The following MALRD1 variants were observed in gnomAD, a reference collection of about 807,000 sequenced individuals.
MALRD1 encodes MAM and LDL receptor class A domain containing 1.
Under a neutral mutation model 242.1 loss-of-function variants are expected in MALRD1, and 247 were observed. The ratio of observed to expected loss-of-function variants is 1.02; its 90% confidence interval spans 0.92 to 1.13. The LOEUF is 1.13. MALRD1 is among the 50% of genes most tolerant of loss of function. The pLI is 0.00. For missense variants in MALRD1, 2,989 were observed against 2,533.1 expected (o/e 1.18, Z -3.86); for synonymous variants, 995 against 866.6 (o/e 1.15, Z -2.60).
At chr10:19,338,069 A>T (rs1391354544) in intron 24 of MALRD1, among the ~76,000 whole-genome samples, 1 of 151,896 alleles carries the variant, frequency 6.6e-6, no homozygotes, top group African/African-American at 2.4e-5. Context: ...TCAAAAAAAA[A>T]AAAAAAGAAA....
intron 29 of MALRD1, among the ~76,000 whole-genome samples, chr10:19,473,178 TAA>T (rs1836577735): frequency 1.8e-5 from 1 of 55,948 alleles, no homozygotes. Context: ...TCACATTTCT[TAA>T]ATGTGAAATT....
intron 32 of MALRD1, among the ~76,000 whole-genome samples, chr10:19,532,865 T>G (rs112761498): frequency 6.6e-6 from 1 of 152,200 alleles, no homozygotes; most frequent in Non-Finnish European, 1.5e-5. Flanking sequence ...TTTTTCATAG[T>G]TTTTACATCT....
At chr10:19,728,786 C>T (rs145951717) in intron 38 of MALRD1, among the ~76,000 whole-genome samples, 23 of 152,116 alleles carry the variant, frequency 1.5e-4, no homozygotes, top group Non-Finnish European at 2.6e-4. Context: ...CACTTCACTC[C>T]CTACCCAATC....
At chr10:19,483,244 G>T (rs1470864509) in intron 29 of MALRD1, among the ~76,000 whole-genome samples, 1 of 150,326 alleles carries the variant, frequency 6.7e-6, no homozygotes, top group Non-Finnish European at 1.5e-5. Flanking sequence ...TTTTGACACT[G>T]ACCTTGGGAA....
chr10:19,266,694 G>C (rs1012586781), intron 19 of MALRD1, among the ~76,000 whole-genome samples: 2 of 151,798 alleles, frequency 1.3e-5, no homozygotes, highest in Non-Finnish European at 2.9e-5. Flanking sequence ...TTTGTTAATG[G>C]ATATGCAATA....
intron 13 of MALRD1, among the ~76,000 whole-genome samples, chr10:19,173,837 T>C (rs1835109951): frequency 6.6e-6 from 1 of 152,222 alleles, no homozygotes; most frequent in South Asian, 2.1e-4. Flanking sequence ...CTTATACTTA[T>C]TTCTTATACA....
At chr10:19,635,890 T>A (rs897464231) in intron 36 of MALRD1, among the ~76,000 whole-genome samples, 7 of 151,962 alleles carry the variant, frequency 4.6e-5, no homozygotes, top group African/African-American at 1.7e-4. Flanking sequence ...TTTATTGTAG[T>A]TATTTATTTA....
In MALRD1 at chr10:19,331,470, GT is replaced by G. The variant is rs1389493617; in HGVS notation, c.3790del (p.Cys1264ValfsTer23). ...CSPLLSPERK[C>X]TDHEFMCANK... ...CCCCTTTGCTTAGCCCAGAGAGAAA[GT>G]GTACTGATCATGAATTCATGTGTGC... is the stretch of plus-strand genomic sequence containing the variant. On this transcript the variant is annotated frameshift_variant, in exon 24 of 40. Coordinates refer to ENST00000454679, the MANE Select transcript of MALRD1 (RefSeq NM_001142308.3). LOFTEE classifies it high-confidence loss of function. 2 of 1,550,378 alleles carry G rather than the reference GT, an allele frequency of 1.3e-6. No individual in the cohort carries two copies. The highest frequency in any genetic ancestry group is 2.7e-5 in the African/African-American group (2 of 73,004).
chr10:19,607,992 C>A lies in MALRD1; in HGVS notation c.6070+90C>A. 5 of 1,441,036 alleles carry A rather than the reference C, an allele frequency of 3.5e-6. No individual in the cohort carries two copies. In the South Asian group the frequency reaches 6.7e-5, roughly 19 times the overall value. The allele number at this position is 1,441,036 out of a possible 1,614,324, so 89.3% of individuals were successfully genotyped here. On this transcript the variant is annotated intron_variant, in intron 35 of 39. Coordinates refer to ENST00000454679, the MANE Select transcript of MALRD1 (RefSeq NM_001142308.3). ...AAATATTAAAACTTGAGGTTCTAAA[C>A]AATGGCAAGCATGGAATAATTGAAT...
At chr10:19,295,944 A>C (rs1334549262) in intron 21 of MALRD1, among the ~76,000 whole-genome samples, 1 of 152,112 alleles carries the variant, frequency 6.6e-6, no homozygotes, top group Non-Finnish European at 1.5e-5. Context: ...TGGGAACCTC[A>C]CTTTGAGGAC....
intron 19 of MALRD1, among the ~76,000 whole-genome samples, chr10:19,273,859 G>T (rs552923648): frequency 6.6e-6 from 1 of 152,136 alleles, no homozygotes; most frequent in Non-Finnish European, 1.5e-5. Context: ...AGATATGCCA[G>T]TGTCCAACAA....
intron 33 of MALRD1, among the ~76,000 whole-genome samples, chr10:19,579,954 C>T (rs1023054603): frequency 1.3e-5 from 2 of 152,144 alleles, no homozygotes. Flanking sequence ...TGAGCAACAG[C>T]GTTAAATTAG....
intron 14 of MALRD1, among the ~76,000 whole-genome samples, chr10:19,178,083 T>C (rs1209002104): frequency 1.3e-5 from 2 of 152,176 alleles, no homozygotes; most frequent in Admixed American, 6.5e-5. Flanking sequence ...TTTAAATCAT[T>C]ACTAAAGTTA....
intron 21 of MALRD1, among the ~76,000 whole-genome samples, chr10:19,293,517 C>A (rs1201725338): frequency 2.0e-5 from 3 of 152,106 alleles, no homozygotes; most frequent in Non-Finnish European, 4.4e-5. Flanking sequence ...AATTAAATCA[C>A]TTTAATTTTG....
intron 36 of MALRD1, among the ~76,000 whole-genome samples, chr10:19,646,209 T>TG (rs1228844866): frequency 1.3e-5 from 2 of 152,180 alleles, no homozygotes; most frequent in African/African-American, 2.4e-5. Context: ...ATGTAGGGGC[T>TG]GCTGGCTGGG....
chr10:19,567,953 C>G (rs1015866633), intron 33 of MALRD1, among the ~76,000 whole-genome samples: 1 of 152,064 alleles, frequency 6.6e-6, no homozygotes, highest in Non-Finnish European at 1.5e-5. Flanking sequence ...AAATTTTGTT[C>G]GGTGAATGTA....
rs528735041 is a variant in MALRD1, at chr10:19,723,940, C to T, written c.6315-6766C>T. Among the ~76,000 whole-genome samples, 13 of 151,350 alleles carry T rather than the reference C, an allele frequency of 8.6e-5. No individual in the cohort carries two copies. The East Asian group carries it at 2.5e-3, about 30-fold the overall frequency. On this transcript the variant is annotated intron_variant, in intron 38 of 39. Transcript: ENST00000454679. ...AGGTGTGTTGGCATGCACCTATAGT[C>T]CCAGCAACTCAGGGGGCTGAGGCAG... is the stretch of plus-strand genomic sequence containing the variant.
intron 36 of MALRD1, among the ~76,000 whole-genome samples, chr10:19,635,615 A>C (rs1840094388): frequency 6.6e-6 from 1 of 152,202 alleles, no homozygotes; most frequent in East Asian, 1.9e-4. Flanking sequence ...TATGTGATAT[A>C]TGGATGAATA....
intron 33 of MALRD1, among the ~76,000 whole-genome samples, chr10:19,578,616 C>T (rs1836946303): frequency 6.6e-6 from 1 of 151,966 alleles, no homozygotes; most frequent in Admixed American, 6.6e-5. Flanking sequence ...TGCTTGAACC[C>T]AGGAGGCGGA....
Sources: gnomAD v4.1 joint callset for allele counts (sites outside exome capture counted in the v4.1 genomes callset) on GRCh38, gnomAD v4.1.1 for gene constraint, MANE v1.5 for transcripts, NCBI Gene and HGNC (gene_info 2026-07-23, HGNC 2026-07-21) for gene names.